GRIP1: variants seen among roughly 807,000 people sequenced by gnomAD.
GRIP1 encodes the protein glutamate receptor-interacting protein 1.
In GRIP1, 45 loss-of-function variants were observed where a neutral mutation model predicts 129.9. That is an observed-to-expected ratio of 0.35 (90% confidence interval 0.27 to 0.44). The LOEUF is 0.44. Ranked by LOEUF, GRIP1 falls within the 20% of genes least tolerant of loss-of-function variation. The pLI, the probability that GRIP1 is intolerant of heterozygous loss-of-function variation, is 1.00. For missense variants in GRIP1, 1,196 were observed against 1,396.8 expected (o/e 0.86, Z 2.29); for synonymous variants, 530 against 520.8 (o/e 1.02, Z -0.24).
At chr12:66,941,759 C>T (rs545209583) in intron 1 of GRIP1, among the ~76,000 whole-genome samples, 46 of 152,250 alleles carry the variant, frequency 3.0e-4, no homozygotes, top group Non-Finnish European at 4.7e-4. Flanking sequence ...AAAGGATGTA[C>T]AATTAAATGG....
intron 16 of GRIP1, among the ~76,000 whole-genome samples, chr12:66,397,642 A>G: frequency 6.6e-6 from 1 of 152,148 alleles, no homozygotes; most frequent in East Asian, 1.9e-4. Context: ...GATTAAAAAT[A>G]TTGCTAATGA....
chr12:66,641,715 G>T (rs1468805868), intron 1 of GRIP1, among the ~76,000 whole-genome samples: 1 of 152,120 alleles, frequency 6.6e-6, no homozygotes, highest in East Asian at 1.9e-4. Flanking sequence ...TGAGAATTTT[G>T]TAAAGACCTG....
At chr12:66,518,690 G>A (rs1357921752) in intron 5 of GRIP1, among the ~76,000 whole-genome samples, 2 of 152,150 alleles carry the variant, frequency 1.3e-5, no homozygotes, top group Non-Finnish European at 2.9e-5. Flanking sequence ...ATGCACGCGT[G>A]CTGGCCTACT....
chr12:66,885,197 G>GA (rs1410891731), intron 1 of GRIP1, among the ~76,000 whole-genome samples: 2 of 152,136 alleles, frequency 1.3e-5, no homozygotes, highest in Non-Finnish European at 2.9e-5. Context: ...CTGTTCAACC[G>GA]AAACTCTCAG....
intron 2 of GRIP1, among the ~76,000 whole-genome samples, chr12:66,574,402 C>T (rs1398559180): frequency 1.3e-5 from 2 of 152,264 alleles, no homozygotes; most frequent in Non-Finnish European, 2.9e-5. Context: ...AAGCCACTGT[C>T]AAAATTTGTG....
At chr12:66,997,095 A>G (rs1268010480) in intron 1 of GRIP1, among the ~76,000 whole-genome samples, 1 of 152,158 alleles carries the variant, frequency 6.6e-6, no homozygotes, top group Non-Finnish European at 1.5e-5. Context: ...TGAGTTCTAC[A>G]TTTACTGAAC....
chr12:66,953,541 G>A (rs2041793455), intron 1 of GRIP1, among the ~76,000 whole-genome samples: 1 of 152,106 alleles, frequency 6.6e-6, no homozygotes, highest in South Asian at 2.1e-4. Flanking sequence ...TGCTCACAAC[G>A]GTTATCCTTG....
chr12:66,488,612 A>C (rs1039037343), intron 7 of GRIP1, among the ~76,000 whole-genome samples: 1 of 152,250 alleles, frequency 6.6e-6, no homozygotes, highest in African/African-American at 2.4e-5. Context: ...AGGACAAGAA[A>C]TAACCAAGAT....
intron 2 of GRIP1, among the ~76,000 whole-genome samples, chr12:66,589,224 C>CTCTCTG (rs1555212945): frequency 3.4e-5 from 5 of 145,400 alleles, no homozygotes; most frequent in African/African-American, 1.3e-4. Context: ...CTCTCTCTCT[C>CTCTCTG]TCTGTCTGTC....
chr12:66,397,881 GC>G (rs2056853239), intron 16 of GRIP1, among the ~76,000 whole-genome samples: 1 of 152,174 alleles, frequency 6.6e-6, no homozygotes, highest in African/African-American at 2.4e-5. Flanking sequence ...TTAATAACAA[GC>G]CTTTGAAAAA....
At chr12:66,875,843 T>C (rs2137170686) in intron 1 of GRIP1, among the ~76,000 whole-genome samples, 1 of 152,138 alleles carries the variant, frequency 6.6e-6, no homozygotes, top group Non-Finnish European at 1.5e-5. Flanking sequence ...TGCTGAGAGA[T>C]TAATATAGAA....
intron 1 of GRIP1, among the ~76,000 whole-genome samples, chr12:66,702,824 G>A (rs2035395984): frequency 6.6e-6 from 1 of 152,178 alleles, no homozygotes; most frequent in African/African-American, 2.4e-5. Context: ...ATAGAAAGGA[G>A]CAGTTAGAAT....
upstream of GRIP1, among the ~76,000 whole-genome samples, chr12:66,681,122 T>G (rs991987352): frequency 2.0e-5 from 3 of 152,124 alleles, no homozygotes; most frequent in African/African-American, 7.2e-5. Flanking sequence ...TTTTCTCTCT[T>G]TGAATACTGT....
chr12:66,992,749 A>G (rs968839533), intron 1 of GRIP1, among the ~76,000 whole-genome samples: 1 of 152,346 alleles, frequency 6.6e-6, no homozygotes, highest in Non-Finnish European at 1.5e-5. Context: ...TTAGAAATCA[A>G]CAACAGAAAG....
intron 15 of GRIP1, among the ~76,000 whole-genome samples, chr12:66,417,520 A>G (rs1260591662): frequency 6.6e-6 from 1 of 152,184 alleles, no homozygotes; most frequent in Non-Finnish European, 1.5e-5. Context: ...TGCAGAAGAC[A>G]TGATCTTATA....
chr12:66,462,825 G>C, intron 9 of GRIP1, 99 bp downstream of exon 9: 2 of 656,714 alleles, frequency 3.0e-6, no homozygotes, highest in Non-Finnish European at 5.2e-6. Context: ...AAAAAAAAAG[G>C]CAGAATGAGA....
chr12:67,050,496 G>A (rs942012362), intron 1 of GRIP1, among the ~76,000 whole-genome samples: 4 of 152,220 alleles, frequency 2.6e-5, no homozygotes, highest in East Asian at 1.9e-4. Context: ...AATAAATGCC[G>A]AATTTGCTCA....
chr12:66,693,163 T>TATGA (rs1450613321), intron 1 of GRIP1, among the ~76,000 whole-genome samples: 3 of 151,778 alleles, frequency 2.0e-5, no homozygotes, highest in Non-Finnish European at 4.4e-5. Flanking sequence ...GTCATGAGCT[T>TATGA]ATGAATGACA....
Position 66,444,358 on chromosome 12 carries a change from C to T in GRIP1, c.1687+226G>A, listed in dbSNP as rs574119915. ...AAAATTAGCCGGGCGCGGTGGCGGG[C>T]GCCTGTAGTCCCAGCTACTCGGGAG... is the stretch of plus-strand genomic sequence containing the variant. On this transcript the variant is annotated intron_variant, in intron 13 of 24. Coordinates refer to ENST00000359742, the MANE Select transcript of GRIP1 (RefSeq NM_001366722.1). 1.1e-4 allele frequency among the ~76,000 whole-genome samples: 16 copies of T among 151,344 alleles called. No homozygotes were observed. The South Asian group carries it at 1.7e-3, about 16-fold the overall frequency.
Sources: gnomAD v4.1 joint callset for allele counts (sites outside exome capture counted in the v4.1 genomes callset) on GRCh38, gnomAD v4.1.1 for gene constraint, MANE v1.5 for transcripts, NCBI Gene and HGNC (gene_info 2026-07-23, HGNC 2026-07-21) for gene names.